The following SPON2 variants were observed in gnomAD, a reference collection of about 807,000 sequenced individuals.
SPON2 encodes spondin-2.
SPON2 carries 32 observed loss-of-function variants against 29.9 expected under a neutral mutation model. The observed-to-expected ratio is 1.07, with a 90% CI of 0.81 to 1.44. SPON2 has a LOEUF of 1.44. Ranked by LOEUF, SPON2 falls within the 40% of genes most tolerant of loss-of-function variation. The pLI, the probability that SPON2 is intolerant of heterozygous loss-of-function variation, is 0.00. For synonymous variants in SPON2, 248 were observed against 209.1 expected (o/e 1.19, Z -1.61); for missense variants, 541 against 455.5 (o/e 1.19, Z -1.71).
At position 1,167,323 on chromosome 4, in the gene SPON2, T is replaced by A; in HGVS notation, c.*149A>T. On this transcript the variant is annotated 3_prime_UTR_variant, in exon 6 of 6. Transcript: ENST00000290902. ...GCCCGTGCCGGCCACCAGAGGGCCC[T>A]TCAGTGCAGAGATGGTCGGCGCGGC... 2 of 763,454 alleles carry A rather than the reference T, an allele frequency of 2.6e-6. No individual in the cohort carries two copies. The highest frequency in any genetic ancestry group is 4.1e-6 in the Non-Finnish European group (2 of 490,504). The allele number at this position is 763,454 out of a possible 1,614,324, so 47.3% of individuals were successfully genotyped here.
At chr4:1,177,585 G>A (rs931528176), upstream of SPON2, among the ~76,000 whole-genome samples, 21 of 152,072 alleles carry the variant, frequency 1.4e-4, no homozygotes, top group African/African-American at 4.1e-4. Flanking sequence ...GCTCTGTTTC[G>A]CCTCAGGCTG....
chr4:1,194,032 C>G (rs1451085215), intron 1 of SPON2, among the ~76,000 whole-genome samples: 1 of 151,996 alleles, frequency 6.6e-6, no homozygotes, highest in Non-Finnish European at 1.5e-5. Flanking sequence ...TGCCCTGTGG[C>G]CCAGCAGCTG....
intron 1 of SPON2, among the ~76,000 whole-genome samples, chr4:1,194,369 C>T (rs375972829): frequency 6.6e-6 from 1 of 152,176 alleles, no homozygotes; most frequent in African/African-American, 2.4e-5. Context: ...GGAGCCGAGC[C>T]CCAGGGTGGG....
chr4:1,182,954 A>G (rs1727724766), intron 1 of SPON2, among the ~76,000 whole-genome samples: 1 of 152,186 alleles, frequency 6.6e-6, no homozygotes, highest in Admixed American at 6.5e-5. Context: ...TAAGGACTCT[A>G]TATCTAGCAA....
intron 1 of SPON2, among the ~76,000 whole-genome samples, chr4:1,180,312 A>C (rs938064760): frequency 2.6e-5 from 4 of 152,192 alleles, no homozygotes; most frequent in African/African-American, 9.7e-5. Flanking sequence ...CTGAGGAGAG[A>C]CTTAGTGGCC....
chr4:1,199,181 C>T (rs1728138394), upstream of SPON2: 1 of 152,042 alleles, frequency 6.6e-6, no homozygotes, highest in Non-Finnish European at 1.5e-5. This position sits in a 1 kb window ranked among gnomAD's most constrained non-coding sequence, Gnocchi z 4.5. Flanking sequence ...GGCAGATCAC[C>T]TGAGATCAGG....
chr4:1,171,778 G>T, intron 2 of SPON2, 74 bp downstream of exon 2: 1 of 1,038,684 alleles, frequency 9.6e-7, no homozygotes, highest in Non-Finnish European at 1.5e-6. Context: ...AAGCGCCGCC[G>T]TGCAGCTGTG....
rs1727288098 is a variant in SPON2 at position 1,167,635 on chromosome 4, C to T, written c.833G>A (p.Cys278Tyr). ...CCAGGACGACCACAGGGAGACCTCG[C>T]AGTCCAGCGGCGTTTCTGGAACTGG... ...SASVPETPLD[C>Y]EVSLWSSWGL... The change falls in exon 6 of 6, where the codon TGC becomes TAC. Residue 278 changes from cysteine to tyrosine, a missense_variant. Coordinates refer to ENST00000290902, the MANE Select transcript of SPON2 (RefSeq NM_012445.4). 2.5e-6 allele frequency: 4 copies of T among 1,609,902 alleles called. 1 individual carries two copies. In the South Asian group the frequency reaches 4.4e-5, roughly 18 times the overall value.
upstream of SPON2, chr4:1,208,512 T>A (rs1728404015): frequency 6.6e-6 from 1 of 152,178 alleles, no homozygotes; most frequent in Admixed American, 6.5e-5. Context: ...CAAGGCGCAG[T>A]AGCCTGAGGT....
chr4:1,177,326 C>T (rs1208380184), upstream of SPON2, among the ~76,000 whole-genome samples: 4 of 152,178 alleles, frequency 2.6e-5, no homozygotes, highest in African/African-American at 9.7e-5. Context: ...GAGTAATCAG[C>T]GCCCACACTC....
chr4:1,193,720 GACATGGGCGGT>G (rs1727965261), intron 1 of SPON2, among the ~76,000 whole-genome samples: 1 of 5,364 alleles, frequency 1.9e-4, no homozygotes, highest in Non-Finnish European at 3.9e-4. Context: ...GTGTAGGAAG[GACATGGGCGGT>G]GTGGGAAGGA....
intron 1 of SPON2, among the ~76,000 whole-genome samples, chr4:1,189,655 A>AAG (rs1553831574): frequency 3.6e-4 from 52 of 145,646 alleles, no homozygotes; most frequent in African/African-American, 1.2e-3. Flanking sequence ...AAAAAAAAAA[A>AAG]AAAGAAAGAA....
chr4:1,201,555 C>T (rs925303501), intron 1 of SPON2: 3 of 156,376 alleles, frequency 1.9e-5, no homozygotes, highest in East Asian at 3.8e-4. Context: ...CACTGAGGTC[C>T]GCGCGCAGTT....
chr4:1,185,503 T>A lies in SPON2; in HGVS notation c.-238-5962A>T, dbSNP rs1262176568. On this transcript the variant is annotated intron_variant, in intron 1 of 3. Transcript: ENST00000502483. ...CGAGCGGATCACCTGAGGTCGGGAG[T>A]TCCACACCAGCCTGGCCAACATGGT... Among the ~76,000 whole-genome samples, 18 of 149,672 alleles carry A rather than the reference T, an allele frequency of 1.2e-4. 1 individual carries two copies. In the East Asian group the frequency reaches 3.5e-3, roughly 29 times the overall value.
chr4:1,167,359 T>C lies in SPON2; in HGVS notation c.*113A>G. ...GATGGTCGGCGCGGCCTCACCGCGG[T>C]CAGGAGCAGCGCGAAACCCCCTGTG... On this transcript the variant is annotated 3_prime_UTR_variant, in exon 6 of 6. Coordinates refer to ENST00000290902, the MANE Select transcript of SPON2 (RefSeq NM_012445.4). The C allele has an allele frequency of 2.6e-6, 3 of 1,167,354 alleles. No homozygotes were observed. 72.3% of individuals were successfully genotyped at this position (1,167,354 alleles called of 1,614,324 possible).
chr4:1,171,492 G>GGACC lies in SPON2; in HGVS notation c.221-10_221-7dup. The GGACC allele has an allele frequency of 6.2e-7, 1 of 1,606,086 alleles. No homozygotes were observed. The highest frequency in any genetic ancestry group is 1.1e-5 in the South Asian group (1 of 90,958). Reference sequence around the variant, plus strand: ...GTCGGAGCTATGCGCGGCCCCTGCAGGACCACCCGGCCGCGCCGCGGACCA... The same window carrying GGACC: ...GTCGGAGCTATGCGCGGCCCCTGCAGGACCGACCACCCGGCCGCGCCGCGGACCA... On this transcript the variant is annotated splice_polypyrimidine_tract_variant and splice_region_variant and intron_variant, in intron 2 of 5. Transcript: ENST00000290902.
At chr4:1,185,708 CA>C (rs58836347) in intron 1 of SPON2, among the ~76,000 whole-genome samples, 12 of 69,664 alleles carry the variant, frequency 1.7e-4, no homozygotes, top group African/African-American at 4.7e-4. Context: ...ACTCCATCTC[CA>C]AAAAAAAAAA....
chr4:1,200,724 G>A (rs368776247), intron 1 of SPON2: 8 of 436,680 alleles, frequency 1.8e-5, no homozygotes, highest in Middle Eastern at 3.3e-4. Flanking sequence ...ATCGCTGGAC[G>A]GGGTGGTAAG....
At chr4:1,184,080 T>TGATTCC (rs1727748955) in intron 1 of SPON2, among the ~76,000 whole-genome samples, 2 of 152,052 alleles carry the variant, frequency 1.3e-5, no homozygotes, top group African/African-American at 4.8e-5. Context: ...CAGGCTCAGG[T>TGATTCC]GATTCTCCAC....
Sources: allele counts gnomAD v4.1 joint callset (sites outside exome capture counted in the v4.1 genomes callset), GRCh38; gene constraint gnomAD v4.1.1; non-coding constraint Gnocchi (gnomAD v3.1); transcripts MANE v1.5; gene names NCBI Gene and HGNC (gene_info 2026-07-23, HGNC 2026-07-21).